The following PEX2 variants were observed in gnomAD, a reference collection of about 807,000 sequenced individuals.
PEX2 encodes peroxisomal biogenesis factor 2, also known as peroxisome biogenesis factor 2.
Under a neutral mutation model 25.2 loss-of-function variants are expected in PEX2, and 19 were observed. The observed-to-expected ratio is 0.75, with a 90% CI of 0.53 to 1.10. The LOEUF is 1.10. Ranked by LOEUF, PEX2 falls within the 50% of genes least tolerant of loss-of-function variation. The pLI is 0.00. For synonymous variants in PEX2, 141 were observed against 127.7 expected, an observed-to-expected ratio of 1.10 and a Z score of -0.70; for missense variants, 347 against 350.6, an observed-to-expected ratio of 0.99 and a Z score of 0.08.
At chr8:76,997,559 ACT>A (rs903991705) in intron 1 of PEX2, among the ~76,000 whole-genome samples, 6 of 152,084 alleles carry the variant, frequency 3.9e-5, no homozygotes, top group Non-Finnish European at 7.4e-5. Flanking sequence ...ACACAGCAAG[ACT>A]CTGTCTCAAA....
At chr8:77,000,638 A>G (rs1807484738), upstream of PEX2, among the ~76,000 whole-genome samples, 1 of 152,064 alleles carries the variant, frequency 6.6e-6, no homozygotes, top group Non-Finnish European at 1.5e-5. Context: ...GTGCACAGGG[A>G]GGATAGGCTG....
intron 1 of PEX2, among the ~76,000 whole-genome samples, chr8:76,995,306 C>T (rs1807291378): frequency 6.6e-6 from 1 of 152,202 alleles, no homozygotes; most frequent in Non-Finnish European, 1.5e-5. Flanking sequence ...CAACAGACCT[C>T]TAAATTACTT....
In PEX2 at chr8:76,983,353, C is replaced by T. The variant is rs746008519; in HGVS notation, c.826G>A (p.Val276Met). The change falls in exon 4 of 4, where the codon GTG becomes ATG. Residue 276 changes from valine to methionine, a missense_variant. Physicochemically the swap from Val to Met is conservative, Grantham distance 21 (BLOSUM62 1). Coordinates refer to ENST00000357039, the MANE Select transcript of PEX2 (RefSeq NM_000318.3). ...CCACACTTAGGACAAGTAAAGTACACGTCAAATAAGAAACTACTCTTAGCA... is the reference window on the plus strand; with the variant it reads ...CCACACTTAGGACAAGTAAAGTACATGTCAAATAAGAAACTACTCTTAGCA... Reference protein sequence around the residue: ...FCAKSSFLFDVYFTCPKCGTE... With the variant: ...FCAKSSFLFDMYFTCPKCGTE... 8 of 1,613,836 alleles carry T rather than the reference C, an allele frequency of 5.0e-6. No homozygotes were observed. The highest frequency in any genetic ancestry group is 2.7e-5 in the African/African-American group (2 of 74,998).
intron 3 of PEX2, among the ~76,000 whole-genome samples, chr8:76,984,889 A>G (rs914947590): frequency 6.6e-6 from 1 of 152,168 alleles, no homozygotes; most frequent in Non-Finnish European, 1.5e-5. Context: ...AAAAATGTAT[A>G]TATCACACAG....
At chr8:76,989,989 A>G (rs1807120339) in intron 1 of PEX2, among the ~76,000 whole-genome samples, 1 of 152,204 alleles carries the variant, frequency 6.6e-6, no homozygotes, top group Admixed American at 6.5e-5. Context: ...TTCTTCCAAT[A>G]TAAGCCTTTT....
intron 1 of PEX2, among the ~76,000 whole-genome samples, chr8:76,991,196 A>G (rs1586075379): frequency 1.3e-5 from 2 of 152,156 alleles, no homozygotes; most frequent in South Asian, 4.1e-4. Flanking sequence ...CATCTATTTC[A>G]AGTTTCTTGT....
rs1806905522 is a variant in PEX2, at chr8:76,983,601, C to T, written c.578G>A (p.Arg193Lys). The T allele has an allele frequency of 1.2e-6, 2 of 1,614,120 alleles. No homozygotes were observed. The highest frequency in any genetic ancestry group is 2.2e-5 in the East Asian group (1 of 44,882). Residue 193 changes from arginine (R) to lysine (K), a missense_variant, in exon 4 of 4, where the codon AGG becomes AAG. Physicochemically the swap from Arg to Lys is conservative, Grantham distance 26. Transcript: ENST00000357039. ...AGCAAAACCATGCCAGAGAAGTTCC[C>T]TATTCATGTATTCAAAGCCAACTTC... ...ICEVGFEYMN[R>K]ELLWHGFAEF...
At chr8:76,997,708 G>A (rs531913038) in intron 1 of PEX2, among the ~76,000 whole-genome samples, 1 of 152,338 alleles carries the variant, frequency 6.6e-6, no homozygotes, top group Admixed American at 6.5e-5. Context: ...TAATAAGGGA[G>A]ATGTCTGATA....
At chr8:76,990,802 A>G (rs1450632635) in intron 1 of PEX2, among the ~76,000 whole-genome samples, 1 of 152,204 alleles carries the variant, frequency 6.6e-6, no homozygotes, top group East Asian at 1.9e-4. Flanking sequence ...ACCACTAAGA[A>G]TATCATAATA....
intron 3 of PEX2, among the ~76,000 whole-genome samples, chr8:76,985,356 TATAAG>T (rs1433124899): frequency 6.6e-6 from 1 of 152,104 alleles, no homozygotes; most frequent in Non-Finnish European, 1.5e-5. Flanking sequence ...AATTTTCAGT[TATAAG>T]ATGAGTAAGT....
intron 3 of PEX2, among the ~76,000 whole-genome samples, chr8:76,984,788 T>C (rs1806957677): frequency 6.6e-6 from 1 of 152,188 alleles, no homozygotes; most frequent in Non-Finnish European, 1.5e-5. Flanking sequence ...CAATACATGG[T>C]TACTATTCTA....
chr8:77,000,697 C>A (rs1402387342), upstream of PEX2, among the ~76,000 whole-genome samples: 1 of 152,190 alleles, frequency 6.6e-6, no homozygotes, highest in East Asian at 1.9e-4. Flanking sequence ...GTCAGTCATC[C>A]GCCCTGCAAA....
At chr8:76,986,039 GAA>G (rs1806991722) in intron 3 of PEX2, 146 bp downstream of exon 3, 1 of 152,190 alleles carries the variant, frequency 6.6e-6, no homozygotes, top group South Asian at 2.1e-4. Flanking sequence ...CTTAGTGGCA[GAA>G]GACTACATGT....
Position 76,983,194 on chromosome 8 carries a change from T to C in PEX2, c.*67A>G, listed in dbSNP as rs1806887052. 1 of 1,600,002 alleles carries C rather than the reference T, an allele frequency of 6.2e-7. No individual in the cohort carries two copies. Among genetic ancestry groups the C allele is most frequent in the Non-Finnish European group, 8.5e-7 (1 of 1,179,582 alleles). The stretch of plus-strand genomic sequence containing the variant: ...ATAAAGGATACATAAATGGTATACT[T>C]AGGATGACTAATATTAAGAATTTAA... On this transcript the variant is annotated 3_prime_UTR_variant, in exon 4 of 4. Coordinates refer to ENST00000357039, the MANE Select transcript of PEX2 (RefSeq NM_000318.3).
intron 1 of PEX2, among the ~76,000 whole-genome samples, chr8:76,996,542 G>A (rs968751165): frequency 3.3e-5 from 5 of 152,268 alleles, no homozygotes; most frequent in Admixed American, 6.5e-5. Flanking sequence ...AGTATGAACA[G>A]GACACACATG....
intron 2 of PEX2, chr8:76,988,023 T>C (rs1295633721): frequency 1.3e-5 from 2 of 152,236 alleles, no homozygotes; most frequent in East Asian, 3.8e-4. Flanking sequence ...TTAAATCTAC[T>C]TGATCTACAT....
At chr8:77,000,372 A>AGTGTCGAGGACACTACT (rs76189986), upstream of PEX2, 63,339 of 194,936 alleles carry the variant, frequency 0.32, 12,117 homozygotes, top group East Asian at 0.48. Context: ...AGGACACTAC[A>AGTGTCGAGGACACTACT]AGTGTCGAGG....
Position 76,996,174 on chromosome 8 carries a change from C to T in PEX2, c.-160+3816G>A, listed in dbSNP as rs573318810. 3.9e-5 allele frequency among the ~76,000 whole-genome samples: 6 copies of T among 152,280 alleles called. No homozygotes were observed. In the East Asian group the frequency reaches 1.2e-3, roughly 29 times the overall value. ...TGTTAGTTTACAACCAGAGAAAACA[C>T]TTAACACCTACCAGTTACTGAGTGC... On this transcript the variant is annotated intron_variant, in intron 1 of 3. Coordinates refer to ENST00000357039, the MANE Select transcript of PEX2 (RefSeq NM_000318.3).
intron 1 of PEX2, among the ~76,000 whole-genome samples, chr8:76,994,980 C>T (rs957402203): frequency 1.3e-5 from 2 of 152,086 alleles, no homozygotes; most frequent in Admixed American, 6.6e-5. Context: ...ATAAATGGGA[C>T]GTGCATCAAA....
Sources: gnomAD v4.1 joint callset for allele counts (sites outside exome capture counted in the v4.1 genomes callset) on GRCh38, gnomAD v4.1.1 for gene constraint, MANE v1.5 for transcripts, NCBI Gene and HGNC (gene_info 2026-07-23, HGNC 2026-07-21) for gene names.